Variants in KIF19 observed in about 807,000 individuals in gnomAD.
The protein encoded by KIF19 is kinesin family member 19, also known as kinesin-like protein KIF19.
Under a neutral mutation model 106.6 loss-of-function variants are expected in KIF19, and 98 were observed. The ratio of observed to expected loss-of-function variants is 0.92; its 90% CI spans 0.78 to 1.09. The LOEUF (loss-of-function observed/expected upper bound fraction) is 1.09. Among genes scored for constraint, KIF19 ranks in the 50% least tolerant of loss-of-function variants. The pLI is 0.00. For missense variants in KIF19, 1,373 were observed against 1,414.3 expected, an observed-to-expected ratio of 0.97 and a Z score of 0.47; for synonymous variants, 516 against 584.2, an observed-to-expected ratio of 0.88 and a Z score of 1.68.
Position 74,352,264 on chromosome 17 carries a change from T to G in KIF19, c.1904T>G (p.Val635Gly). ...VPQRLEELYEVYLRELEEGSL... is the reference protein window; with the variant it reads ...VPQRLEELYEGYLRELEEGSL... ...CAGCGCCTGGAAGAGCTCTACGAAG[T>G]GTACCTGCGGGAGCTGGAGGAGGGC... is the stretch of plus-strand genomic sequence containing the variant. The change falls in exon 14 of 20, where the codon GTG becomes GGG. Residue 635 changes from valine (V) to glycine (G), a missense_variant. Coordinates refer to ENST00000389916, the MANE Select transcript of KIF19 (RefSeq NM_153209.4). 1 of 1,612,982 alleles carries G rather than the reference T, an allele frequency of 6.2e-7. No homozygotes were observed. The highest frequency in any genetic ancestry group is 8.5e-7 in the Non-Finnish European group (1 of 1,179,756).
intron 2 of KIF19, among the ~76,000 whole-genome samples, chr17:74,337,336 C>T (rs963116937): frequency 1.9e-4 from 9 of 47,024 alleles, no homozygotes; most frequent in Non-Finnish European, 4.0e-4. Flanking sequence ...CATGTGCTCA[C>T]GGGGTGGGGG....
At chr17:74,333,885 G>T (rs1242597646) in intron 2 of KIF19, among the ~76,000 whole-genome samples, 5 of 148,170 alleles carry the variant, frequency 3.4e-5, no homozygotes, top group African/African-American at 7.5e-5. Context: ...TGAGATGGGG[G>T]TCTCACTTTG....
chr17:74,332,144 C>T (rs2054099856), intron 2 of KIF19, among the ~76,000 whole-genome samples: 1 of 150,048 alleles, frequency 6.7e-6, no homozygotes, highest in African/African-American at 2.5e-5. Context: ...CTTCCTGTGT[C>T]AGAGCACTCA....
At chr17:74,342,287 G>A (rs1320168820) in intron 3 of KIF19, among the ~76,000 whole-genome samples, 1 of 152,222 alleles carries the variant, frequency 6.6e-6, no homozygotes, top group Non-Finnish European at 1.5e-5. Context: ...GGAGGACAGG[G>A]GCAGAGGGTG....
chr17:74,346,297 C>A lies in KIF19; in HGVS notation c.778-81C>A. ...GGTTTATTACCCAGGATCACCAGGT[C>A]ATTCATTGGTGGGGTGGCTGGGGAG... On this transcript the variant is annotated intron_variant, in intron 7 of 19. Coordinates refer to ENST00000389916, the MANE Select transcript of KIF19 (RefSeq NM_153209.4). This position sits in a 1 kb window ranked among gnomAD's most constrained non-coding sequence, Gnocchi z 4.6. The A allele has an allele frequency of 2.1e-6, 3 of 1,438,054 alleles. No homozygotes were observed. Among genetic ancestry groups the A allele is most frequent in the Admixed American group, 2.1e-5 (1 of 46,886 alleles). The allele number at this position is 1,438,054 out of a possible 1,614,324, so 89.1% of individuals were successfully genotyped here. A position where few individuals can be genotyped will look rare whatever the true frequency, so the allele number is the denominator to read the frequency against.
At chr17:74,342,494 C>G in intron 3 of KIF19, 136 bp from the exon 4 acceptor site, 3 of 660,998 alleles carry the variant, frequency 4.5e-6, no homozygotes, top group South Asian at 1.8e-5. Flanking sequence ...CCCTCCCCCA[C>G]CCCCCACCCC....
In KIF19 at chr17:74,354,389, C is replaced by G. The variant is rs771603541; in HGVS notation, c.2536C>G (p.Leu846Val). The change falls in exon 18 of 20, where the codon CTG becomes GTG. Residue 846 changes from leucine to valine, a missense_variant. Around this residue, in one of 3 missense-constraint regions of KIF19, gnomAD observed 1,020 missense variants for 1,008.2 expected, o/e 1.01. Coordinates refer to ENST00000389916, the MANE Select transcript of KIF19 (RefSeq NM_153209.4). ...ACAGCATGCTGCCAGTGAGGACAAC[C>G]TGTCCAGCAGCACGGGCGAGGCCCC... ...TLQHAASEDN[L>V]SSSTGEAPSR... 15 of 1,610,238 alleles carry G rather than the reference C, an allele frequency of 9.3e-6. No homozygotes were observed. The South Asian group carries it at 1.7e-4, about 18-fold the overall frequency.
At chr17:74,343,518 G>A (rs2054443702) in intron 5 of KIF19, among the ~76,000 whole-genome samples, 2 of 152,228 alleles carry the variant, frequency 1.3e-5, no homozygotes, top group Non-Finnish European at 2.9e-5. Context: ...GAACATACAT[G>A]TACAGTCTGG....
intron 8 of KIF19, 21 bp from the exon 9 acceptor site, chr17:74,347,756 C>A: frequency 1.3e-6 from 2 of 1,585,538 alleles, no homozygotes; most frequent in Non-Finnish European, 1.7e-6. Context: ...TCCCCACTGA[C>A]CACAGCCACC....
intron 2 of KIF19, among the ~76,000 whole-genome samples, chr17:74,333,020 G>A (rs1044464028): frequency 6.6e-6 from 1 of 152,232 alleles, no homozygotes; most frequent in Non-Finnish European, 1.5e-5. Flanking sequence ...AGGCTGTTGG[G>A]AAAGATAAAT....
intron 12 of KIF19, 32 bp from the exon 13 acceptor site, chr17:74,351,835 C>CGCT: frequency 7.3e-7 from 1 of 1,374,004 alleles, no homozygotes; most frequent in Non-Finnish European, 9.3e-7. Context: ...CCCCTCTCCC[C>CGCT]GCTGCCAGAT....
At position 74,355,189 on chromosome 17, in the gene KIF19, G is replaced by T. The variant is rs1426080249; in HGVS notation, c.2874G>T (p.Gly958=). The change falls in exon 20 of 20, where the codon GGG becomes GGT. Residue 958 remains glycine (G), a synonymous_variant. Coordinates refer to ENST00000389916, the MANE Select transcript of KIF19 (RefSeq NM_153209.4). ...CCCCTTTCCCTGTTGCAGGCCCGGG[G>T]GACTCCTCACCCCTGGCTGTTCCCC... ...KLPPSQNTGP[G]DSSPLAVPPN... 1.2e-6 allele frequency: 2 copies of T among 1,600,398 alleles called. No homozygotes were observed. The highest frequency in any genetic ancestry group is 2.2e-5 in the South Asian group (2 of 89,998).
chr17:74,335,704 C>G (rs1206778500), intron 2 of KIF19, among the ~76,000 whole-genome samples: 1 of 152,260 alleles, frequency 6.6e-6, no homozygotes, highest in South Asian at 2.1e-4. Flanking sequence ...AGAGCTCTGG[C>G]TTGAAGCTGC....
chr17:74,343,626 C>T (rs1250841447), intron 5 of KIF19, among the ~76,000 whole-genome samples: 1 of 152,246 alleles, frequency 6.6e-6, no homozygotes, highest in African/African-American at 2.4e-5. Context: ...ACTGGGGAAG[C>T]ACACAGAGTC....
At chr17:74,352,999 C>T in intron 15 of KIF19, 45 bp downstream of exon 15, 1 of 1,607,430 alleles carries the variant, frequency 6.2e-7, no homozygotes, top group South Asian at 1.1e-5. Flanking sequence ...TGTGCCCTGT[C>T]CCAGAGAGGC....
chr17:74,337,124 G>A (rs117030313), intron 2 of KIF19, among the ~76,000 whole-genome samples: 3,662 of 152,222 alleles, frequency 0.024, 84 homozygotes, highest in African/African-American at 0.064. Flanking sequence ...ATGAGCCACC[G>A]TGCCCGGCAA....
chr17:74,350,797 AG>A lies in KIF19; in HGVS notation c.1480del (p.Asp494ThrfsTer181). 6.2e-7 allele frequency: 1 copy of A among 1,614,058 alleles called. No homozygotes were observed. Among genetic ancestry groups the A allele is most frequent in the Non-Finnish European group, 8.5e-7 (1 of 1,179,902 alleles). On this transcript the variant is annotated frameshift_variant, in exon 12 of 20. Coordinates refer to ENST00000389916, the MANE Select transcript of KIF19 (RefSeq NM_153209.4). LOFTEE classifies it high-confidence loss of function. ...YAKDDSEKDS[D>X]TGDDQPDILE... is the part of the protein sequence containing the mutation. ...CTAAGGACGACAGCGAGAAGGACTCAGACACAGGTGATGACCAACCAGACAT... is the reference window on the plus strand; with the variant it reads ...CTAAGGACGACAGCGAGAAGGACTCAACACAGGTGATGACCAACCAGACAT...
intron 2 of KIF19, among the ~76,000 whole-genome samples, chr17:74,333,514 C>T (rs2054146704): frequency 6.6e-6 from 1 of 152,024 alleles, no homozygotes; most frequent in African/African-American, 2.4e-5. Context: ...AGGTGTGTGC[C>T]ACCATGTCTG....
Position 74,347,826 on chromosome 17 carries a change from C to A in KIF19, c.974C>A (p.Pro325His). Residue 325 changes from proline to histidine, a missense_variant, in exon 9 of 20, where the codon CCT becomes CAT. By Grantham distance (77) the Pro-to-His change is moderately conservative. Transcript: ENST00000389916. The stretch of plus-strand genomic sequence containing the variant: ...ACAGTGATGATCGCTCACATCAGTC[C>A]TGCGAGCAGTGCCTTCGAGGAGTCC... Reference protein sequence around the residue: ...SRTVMIAHISPASSAFEESRN... With the variant: ...SRTVMIAHISHASSAFEESRN... The A allele has an allele frequency of 6.3e-7, 1 of 1,587,548 alleles. No individual in the cohort carries two copies. The highest frequency in any genetic ancestry group is 2.3e-5 in the East Asian group (1 of 43,430).
Sources: gnomAD v4.1 joint callset for allele counts (sites outside exome capture counted in the v4.1 genomes callset) on GRCh38, gnomAD v4.1.1 for gene constraint, gnomAD v4.1.1 regional missense constraint, Gnocchi (gnomAD v3.1) non-coding constraint, MANE v1.5 for transcripts, NCBI Gene and HGNC (gene_info 2026-07-23, HGNC 2026-07-21) for gene names.